L3MBTL4: variants seen among roughly 807,000 people sequenced by gnomAD.
L3MBTL4 encodes the protein L3MBTL histone methyl-lysine binding protein 4.
L3MBTL4 carries 70 observed loss-of-function variants against 84.5 expected under a neutral mutation model. That is an observed-to-expected ratio of 0.83 (90% CI 0.68 to 1.01). L3MBTL4 has a LOEUF of 1.01. Among genes scored for constraint, L3MBTL4 ranks in the 50% least tolerant of loss-of-function variants. The probability of loss-of-function intolerance (pLI) is 0.00; values close to 1 mark genes in which losing one functional copy is unlikely to be tolerated. For missense variants in L3MBTL4, 715 were observed against 754.8 expected, an observed-to-expected ratio of 0.95 and a Z score of 0.62; for synonymous variants, 274 against 259.8, an observed-to-expected ratio of 1.05 and a Z score of -0.52.
chr18:6,355,363 A>C (rs1445825946), intron 1 of L3MBTL4, among the ~76,000 whole-genome samples: 1 of 152,212 alleles, frequency 6.6e-6, no homozygotes, highest in African/African-American at 2.4e-5. Flanking sequence ...ATTTCTAATA[A>C]ATTAACTCTT....
intron 16 of L3MBTL4, among the ~76,000 whole-genome samples, chr18:5,977,139 C>A (rs2052978344): frequency 6.6e-6 from 1 of 152,328 alleles, no homozygotes; most frequent in African/African-American, 2.4e-5. Flanking sequence ...TCCCTCTGCA[C>A]TCAGGCCAGC....
At chr18:6,243,910 T>A (rs1568370733) in intron 6 of L3MBTL4, among the ~76,000 whole-genome samples, 1 of 152,128 alleles carries the variant, frequency 6.6e-6, no homozygotes, top group Non-Finnish European at 1.5e-5. Context: ...GAGAAATACA[T>A]CCTCTAGACA....
chr18:6,073,952 C>A (rs181566113), intron 16 of L3MBTL4, among the ~76,000 whole-genome samples: 1 of 152,220 alleles, frequency 6.6e-6, no homozygotes, highest in East Asian at 1.9e-4. Flanking sequence ...TTTTCCATTC[C>A]TTGGTAAACT....
At chr18:6,380,471 T>A (rs2054552650) in intron 1 of L3MBTL4, among the ~76,000 whole-genome samples, 1 of 152,248 alleles carries the variant, frequency 6.6e-6, no homozygotes, top group Non-Finnish European at 1.5e-5. Flanking sequence ...TACATTTCCC[T>A]CTACACACTG....
rs965591533 is a variant in L3MBTL4, at chr18:6,192,356, C to G, written c.982-20414G>C. ...AGTGAGTTGCTGAAAGGTGGCAGAG[C>G]AGGCAGGAGAGGATGGGCATGTAGA... On this transcript the variant is annotated intron_variant, in intron 12 of 18. Coordinates refer to ENST00000317931, the MANE Select transcript of L3MBTL4 (RefSeq NM_001330559.2). Among the ~76,000 whole-genome samples, 3 of 152,130 alleles carry G rather than the reference C, an allele frequency of 2.0e-5. No homozygotes were observed. The East Asian group carries it at 5.8e-4, about 29-fold the overall frequency.
intron 14 of L3MBTL4, among the ~76,000 whole-genome samples, chr18:6,107,329 G>A (rs2059043214): frequency 6.6e-6 from 1 of 152,094 alleles, no homozygotes; most frequent in Non-Finnish European, 1.5e-5. Context: ...GGGGACCAGA[G>A]GACAATGTCT....
intron 10 of L3MBTL4, among the ~76,000 whole-genome samples, chr18:6,216,108 T>G (rs2046316029): frequency 6.6e-6 from 1 of 152,148 alleles, no homozygotes; most frequent in Non-Finnish European, 1.5e-5. Flanking sequence ...TGTGAGTACT[T>G]CACAGAGCCA....
intron 1 of L3MBTL4, among the ~76,000 whole-genome samples, chr18:6,333,217 A>G (rs1599674402): frequency 6.6e-6 from 1 of 152,222 alleles, no homozygotes; most frequent in Admixed American, 6.5e-5. Flanking sequence ...TAATAATGAT[A>G]ATGAATGGGT....
intron 13 of L3MBTL4, among the ~76,000 whole-genome samples, chr18:6,139,613 C>T (rs1364253592): frequency 6.6e-6 from 1 of 151,992 alleles, no homozygotes; most frequent in Non-Finnish European, 1.5e-5. Context: ...TCTGACAATC[C>T]CACACTTTCC....
In L3MBTL4 at chr18:6,037,164, C is replaced by T. The variant is rs556050854; in HGVS notation, c.1444+43717G>A. ...TCCCTGACCTTTGGAAGACAAGACC[C>T]TTTTTGCCCACCCTTGCTCCCACGA... On this transcript the variant is annotated intron_variant, in intron 16 of 18. Coordinates refer to ENST00000317931, the MANE Select transcript of L3MBTL4 (RefSeq NM_001330559.2). Among the ~76,000 whole-genome samples the T allele has an allele frequency of 6.0e-5, 9 of 149,574 alleles. No individual in the cohort carries two copies. The South Asian group carries it at 1.7e-3, about 28-fold the overall frequency.
At chr18:6,229,568 G>GC (rs2046911341) in intron 10 of L3MBTL4, among the ~76,000 whole-genome samples, 1 of 152,098 alleles carries the variant, frequency 6.6e-6, no homozygotes, top group Non-Finnish European at 1.5e-5. Flanking sequence ...ATGTCATGAA[G>GC]CTTTTTCTCT....
rs978162979 is a variant in L3MBTL4, at chr18:6,122,890, G to A, written c.1199+15304C>T. Among the ~76,000 whole-genome samples the A allele has an allele frequency of 4.9e-4, 74 of 152,206 alleles. 1 individual carries two copies. Among genetic ancestry groups the A allele is most frequent in the African/African-American group, 1.7e-3 (72 of 41,536 alleles). On this transcript the variant is annotated intron_variant, in intron 14 of 18. Transcript: ENST00000317931. ...AAAGTGACAAACTTCCTAAACTTAGGAATGTTATTTCTTAGAAAAAATAAT... is the reference window on the plus strand; with the variant it reads ...AAAGTGACAAACTTCCTAAACTTAGAAATGTTATTTCTTAGAAAAAATAAT...
intron 1 of L3MBTL4, chr18:6,394,858 T>C (rs911346835): frequency 6.6e-6 from 1 of 152,156 alleles, no homozygotes; most frequent in South Asian, 2.1e-4. Flanking sequence ...CACACATCCA[T>C]GGGACTATAT....
chr18:5,963,578 G>A (rs567808292), intron 17 of L3MBTL4, among the ~76,000 whole-genome samples: 7 of 152,212 alleles, frequency 4.6e-5, no homozygotes, highest in East Asian at 1.9e-4. Context: ...CATTTGATTC[G>A]GCCTATCTGT....
intron 4 of L3MBTL4, among the ~76,000 whole-genome samples, chr18:6,267,803 T>C (rs762040881): frequency 3.3e-5 from 5 of 152,170 alleles, no homozygotes; most frequent in Non-Finnish European, 5.9e-5. Context: ...AAAGCTTTCA[T>C]TGAATTGCAT....
At chr18:6,364,477 C>T (rs2053846376) in intron 1 of L3MBTL4, among the ~76,000 whole-genome samples, 2 of 151,930 alleles carry the variant, frequency 1.3e-5, no homozygotes, top group African/African-American at 4.8e-5. Flanking sequence ...TTAAAATATA[C>T]AAATTAGTCC....
chr18:6,286,191 C>T (rs1054111771), intron 4 of L3MBTL4, among the ~76,000 whole-genome samples: 13 of 151,702 alleles, frequency 8.6e-5, no homozygotes, highest in Admixed American at 2.6e-4. Context: ...CAGCCAGGCA[C>T]GGTGGCTCAC....
intron 2 of L3MBTL4, 125 bp from the exon 3 acceptor site, chr18:6,311,781 G>A (rs1568473766): frequency 1.1e-5 from 7 of 615,232 alleles, no homozygotes; most frequent in South Asian, 2.0e-5. Flanking sequence ...AACCTGATAA[G>A]TTGACAAAAA....
chr18:5,995,771 G>C (rs990546772), intron 16 of L3MBTL4, among the ~76,000 whole-genome samples: 1 of 152,188 alleles, frequency 6.6e-6, no homozygotes, highest in African/African-American at 2.4e-5. Context: ...TGGCAGGAAG[G>C]AGTGAGGCTG....
Sources: gnomAD v4.1 joint callset for allele counts (sites outside exome capture counted in the v4.1 genomes callset) on GRCh38, gnomAD v4.1.1 for gene constraint, MANE v1.5 for transcripts, NCBI Gene and HGNC (gene_info 2026-07-23, HGNC 2026-07-21) for gene names.